The following DDX20 variants were observed in gnomAD, a reference collection of about 807,000 sequenced individuals.
DDX20 encodes DEAD-box helicase 20.
In DDX20, 61 loss-of-function variants were observed where a neutral mutation model predicts 76.4. The observed-to-expected ratio is 0.80, with a 90% CI of 0.65 to 0.99. DDX20 has a LOEUF of 0.99. Ranked by LOEUF, DDX20 falls within the 50% of genes least tolerant of loss-of-function variation. DDX20 has a pLI of 0.00. For missense variants in DDX20, 976 were observed against 996.8 expected (o/e 0.98, Z 0.28); for synonymous variants, 357 against 357.4 (o/e 1.00, Z 0.01).
In DDX20 at chr1:111,760,971, T is replaced by C; in HGVS notation, c.824-16T>C. On this transcript the variant is annotated splice_polypyrimidine_tract_variant and intron_variant, in intron 5 of 10. Transcript: ENST00000369702. Reference sequence around the variant, plus strand: ...TAGCATATATATTTGTTTTAACTGATAGCTCTTCTTTGTAGGTTTGAAGCA... The same window carrying C: ...TAGCATATATATTTGTTTTAACTGACAGCTCTTCTTTGTAGGTTTGAAGCA... The C allele has an allele frequency of 1.9e-6, 3 of 1,609,712 alleles. No individual in the cohort carries two copies. The highest frequency in any genetic ancestry group is 2.5e-6 in the Non-Finnish European group (3 of 1,178,614).
chr1:111,766,523 C>G lies in DDX20; in HGVS notation c.2099C>G (p.Pro700Arg), dbSNP rs185866986. The change falls in exon 11 of 11, where the codon CCA becomes CGA. Residue 700 changes from proline to arginine, a missense_variant. Physicochemically the swap from Pro to Arg is moderately radical, Grantham distance 103. This residue lies in a region of DDX20 where 630 missense variants were observed against 693.7 expected (regional missense o/e 0.91). Coordinates refer to ENST00000369702, the MANE Select transcript of DDX20 (RefSeq NM_007204.5). Reference protein sequence around the residue: ...VDDRISLEQPPNGSDTPNPEK... With the variant: ...VDDRISLEQPRNGSDTPNPEK... ...GATCGTATTTCTTTGGAACAACCAC[C>G]AAATGGAAGTGACACCCCCAATCCA... 1.4e-5 allele frequency: 23 copies of G among 1,614,066 alleles called. No individual in the cohort carries two copies. The East Asian group carries it at 2.7e-4, about 19-fold the overall frequency.
rs1407521172 is a variant in DDX20, at chr1:111,767,070, C to G, written c.*171C>G. ...TTTTTCAGATTGTTTTGATTTAGGC[C>G]AGGTATATTATCTTCATTTTTAAGA... On this transcript the variant is annotated 3_prime_UTR_variant, in exon 11 of 11. Coordinates refer to ENST00000369702, the MANE Select transcript of DDX20 (RefSeq NM_007204.5). 2.0e-6 allele frequency: 1 copy of G among 500,084 alleles called. No individual in the cohort carries two copies. Among genetic ancestry groups the G allele is most frequent in the Non-Finnish European group, 3.5e-6 (1 of 285,576 alleles). 31.0% of individuals were successfully genotyped at this position (500,084 alleles called of 1,614,324 possible). A position where few individuals can be genotyped will look rare whatever the true frequency, so the allele number is the denominator to read the frequency against.
intron 4 of DDX20, 46 bp downstream of exon 4, chr1:111,760,634 A>G (rs1663653883): frequency 6.2e-7 from 1 of 1,600,646 alleles, no homozygotes; most frequent in Non-Finnish European, 8.5e-7. Context: ...GTTCCGAAGT[A>G]TCTATCTTTA....
At position 111,766,201 on chromosome 1, in the gene DDX20, G is replaced by C; in HGVS notation, c.1777G>C (p.Glu593Gln). Residue 593 changes from glutamate to glutamine, a missense_variant, in exon 11 of 11, where the codon GAA becomes CAA. Transcript: ENST00000369702. ...TCAGCCATACACGTTGACTTTTGCT[G>C]AATTGGTAGAGGATTATGAACATTA... Reference protein sequence around the residue: ...IHQPYTLTFAELVEDYEHYIK... With the variant: ...IHQPYTLTFAQLVEDYEHYIK... 1 of 1,614,180 alleles carries C rather than the reference G, an allele frequency of 6.2e-7. No individual in the cohort carries two copies. The highest frequency in any genetic ancestry group is 1.1e-5 in the South Asian group (1 of 91,074).
chr1:111,759,683 A>G, intron 3 of DDX20, 115 bp downstream of exon 3: 26 of 1,211,072 alleles, frequency 2.1e-5, no homozygotes, highest in Non-Finnish European at 2.9e-5. Flanking sequence ...TTGATTAGAA[A>G]TGAAGAGCAG....
rs1234206393 is a variant in DDX20 at position 111,762,704 on chromosome 1, G to T, written c.1132G>T (p.Val378Leu). 8.1e-6 allele frequency: 13 copies of T among 1,613,884 alleles called. No individual in the cohort carries two copies. In the East Asian group the frequency reaches 2.9e-4, roughly 36 times the overall value. Residue 378 changes from valine to leucine, a missense_variant, in exon 9 of 11, where the codon GTG becomes TTG. Transcript: ENST00000369702. ...TTCTCGTGGGATTGATGCTGAGAAG[G>T]TGAATCTGGTTGTAAATCTGGATGT... is the stretch of plus-strand genomic sequence containing the variant. ...LTSRGIDAEK[V>L]NLVVNLDVPL...
At chr1:111,757,032 T>C (rs1011324658) in intron 2 of DDX20, among the ~76,000 whole-genome samples, 2 of 152,076 alleles carry the variant, frequency 1.3e-5, no homozygotes, top group Non-Finnish European at 2.9e-5. Flanking sequence ...AATGTAGTGC[T>C]CTGGCTATTG....
Position 111,766,452 on chromosome 1 carries a change from C to T in DDX20, c.2028C>T (p.Gly676=). 6.2e-7 allele frequency: 1 copy of T among 1,614,138 alleles called. No individual in the cohort carries two copies. Among genetic ancestry groups the T allele is most frequent in the Non-Finnish European group, 8.5e-7 (1 of 1,180,018 alleles). The change falls in exon 11 of 11, where the codon GGC becomes GGT. Residue 676 remains glycine (G), a synonymous_variant. Coordinates refer to ENST00000369702, the MANE Select transcript of DDX20 (RefSeq NM_007204.5). The stretch of plus-strand genomic sequence containing the variant: ...AAGGAAATAAGTCATACTTGGAAGG[C>T]TCTTCTGATAATCAGCTGAAAGACT... ...QSKGNKSYLE[G]SSDNQLKDSE...
rs932371637 is a variant in DDX20, at chr1:111,756,636, T to C, written c.302-10T>C. ...TACTGGCTAGTGATAATTGTTTTTT[T>C]CCTTCGCAGATTTAATTGTTCAAGC... is the stretch of plus-strand genomic sequence containing the variant. On this transcript the variant is annotated splice_polypyrimidine_tract_variant and intron_variant, in intron 1 of 10. Coordinates refer to ENST00000369702, the MANE Select transcript of DDX20 (RefSeq NM_007204.5). 1.2e-6 allele frequency: 2 copies of C among 1,613,736 alleles called. No individual in the cohort carries two copies. The highest frequency in any genetic ancestry group is 2.2e-5 in the South Asian group (2 of 91,062).
In DDX20 at chr1:111,756,218, C is replaced by T; in HGVS notation, c.294C>T (p.Cys98=). Residue 98 remains cysteine, a synonymous_variant, in exon 1 of 11, where the codon TGC becomes TGT. Transcript: ENST00000369702. ...VQLKAIPLGR[C]GLDLIVQAKS... ...TCAAGGCCATCCCGTTGGGGCGCTG[C>T]GGGCTCGGTGAGAGCGGGGGCCCGG... 1.5e-6 allele frequency: 2 copies of T among 1,298,012 alleles called. No homozygotes were observed. Among genetic ancestry groups the T allele is most frequent in the Non-Finnish European group, 2.0e-6 (2 of 1,010,610 alleles). The allele number at this position is 1,298,012 out of a possible 1,614,324, so 80.4% of individuals were successfully genotyped here.
At position 111,756,133 on chromosome 1, in the gene DDX20, C is replaced by T. The variant is rs201171255; in HGVS notation, c.209C>T (p.Ser70Leu). ...EPADFESLLL[S>L]RPVLEGLRAA... The stretch of plus-strand genomic sequence containing the variant: ...GCCGACTTCGAGTCACTGCTGCTTT[C>T]GCGGCCGGTGCTGGAGGGGCTGCGG... The change falls in exon 1 of 11, where the codon TCG becomes TTG. Residue 70 changes from serine to leucine, a missense_variant. Around this residue, in one of 3 missense-constraint regions of DDX20, gnomAD observed 343 missense variants for 286.4 expected, o/e 1.20. Coordinates refer to ENST00000369702, the MANE Select transcript of DDX20 (RefSeq NM_007204.5). 7.3e-4 allele frequency: 1,152 copies of T among 1,585,488 alleles called. 1 individual carries two copies. Among genetic ancestry groups the T allele is most frequent in the Non-Finnish European group, 9.2e-4 (1,077 of 1,173,810 alleles).
In DDX20 at chr1:111,766,038, T is replaced by G. The variant is rs766382486; in HGVS notation, c.1614T>G (p.Cys538Trp). 1 of 1,614,218 alleles carries G rather than the reference T, an allele frequency of 6.2e-7. No individual in the cohort carries two copies. Among genetic ancestry groups the G allele is most frequent in the East Asian group, 2.2e-5 (1 of 44,888 alleles). ...CAACGTCACCAAAAGAACTGGGCTG[T>G]GACAGGCAATCCGAAGAGCAAATGA... ...EKATSPKELG[C>W]DRQSEEQMKN... is the part of the protein sequence containing the mutation. The change falls in exon 11 of 11, where the codon TGT becomes TGG. Residue 538 changes from cysteine to tryptophan, a missense_variant. Physicochemically the swap from Cys to Trp is radical, Grantham distance 215 (BLOSUM62 -2). Around this residue, in one of 3 missense-constraint regions of DDX20, gnomAD observed 630 missense variants for 693.7 expected, o/e 0.91. Transcript: ENST00000369702.
At chr1:111,756,266 G>GGGCAC in intron 1 of DDX20, 41 bp downstream of exon 1, 8 of 842,498 alleles carry the variant, frequency 9.5e-6, no homozygotes, top group Non-Finnish European at 1.3e-5. Flanking sequence ...GGTGGGGTGG[G>GGGCAC]AGAAGGGGGA....
At position 111,765,907 on chromosome 1, in the gene DDX20, T is replaced by G. The variant is rs1338020890; in HGVS notation, c.1483T>G (p.Ser495Ala). Reference sequence around the variant, plus strand: ...GAAAGCTCATGGTGACCACATGGCTTCCTCTAGAAATAATTCTGTATCTGG... The same window carrying G: ...GAAAGCTCATGGTGACCACATGGCTGCCTCTAGAAATAATTCTGTATCTGG... ...IQKAHGDHMASSRNNSVSGLS... is the reference protein window; with the variant it reads ...IQKAHGDHMAASRNNSVSGLS... The change falls in exon 11 of 11, where the codon TCC becomes GCC. Residue 495 changes from serine (S) to alanine (A), a missense_variant. Physicochemically the swap from Ser to Ala is moderately conservative, Grantham distance 99 (BLOSUM62 1). Transcript: ENST00000369702. The G allele has an allele frequency of 6.2e-7, 1 of 1,613,774 alleles. No homozygotes were observed. Among genetic ancestry groups the G allele is most frequent in the African/African-American group, 1.3e-5 (1 of 74,876 alleles).
Position 111,766,646 on chromosome 1 carries a change from G to A in DDX20, c.2222G>A (p.Arg741Gln), listed in dbSNP as rs778196499. 2.0e-5 allele frequency: 32 copies of A among 1,614,040 alleles called. No homozygotes were observed. The Admixed American group carries it at 3.8e-4, about 19-fold the overall frequency. Reference protein sequence around the residue: ...AKQSRRNLPRRSSFRLQTEAQ... With the variant: ...AKQSRRNLPRQSSFRLQTEAQ... ...CAGAGCCGGAGAAACCTACCCAGGC[G>A]GTCTTCCTTCAGATTGCAGACTGAA... The change falls in exon 11 of 11, where the codon CGG (arginine) becomes CAG (glutamine). Residue 741 changes from arginine (R) to glutamine (Q), a missense_variant. Around this residue, in one of 3 missense-constraint regions of DDX20, gnomAD observed 630 missense variants for 693.7 expected, o/e 0.91. Coordinates refer to ENST00000369702, the MANE Select transcript of DDX20 (RefSeq NM_007204.5).
chr1:111,756,638 C>T lies in DDX20; in HGVS notation c.302-8C>T. On this transcript the variant is annotated splice_region_variant and splice_polypyrimidine_tract_variant and intron_variant, in intron 1 of 10. Transcript: ENST00000369702. ...CTGGCTAGTGATAATTGTTTTTTTC[C>T]TTCGCAGATTTAATTGTTCAAGCTA... The T allele has an allele frequency of 6.2e-7, 1 of 1,613,264 alleles. No individual in the cohort carries two copies. The highest frequency in any genetic ancestry group is 8.5e-7 in the Non-Finnish European group (1 of 1,179,466).
chr1:111,767,694 C>G lies in DDX20; in HGVS notation c.*795C>G, dbSNP rs1259351218. The stretch of plus-strand genomic sequence containing the variant: ...GATTGACTTCAGGAAATTTCTCATT[C>G]CATAAGCACAGAATTGTGAGTGTAA... On this transcript the variant is annotated 3_prime_UTR_variant, in exon 11 of 11. Transcript: ENST00000369702. The G allele has an allele frequency of 6.6e-6, 1 of 152,100 alleles. No homozygotes were observed. The highest frequency in any genetic ancestry group is 1.5e-5 in the Non-Finnish European group (1 of 68,004). 9.4% of individuals were successfully genotyped at this position (152,100 alleles called of 1,614,324 possible).
rs1480627400 is a variant in DDX20 at position 111,760,765 on chromosome 1, C to T, written c.740C>T (p.Pro247Leu). The change falls in exon 5 of 11, where the codon CCC becomes CTC. Residue 247 changes from proline to leucine, a missense_variant. Around this residue, in one of 3 missense-constraint regions of DDX20, gnomAD observed 630 missense variants for 693.7 expected, o/e 0.91. Coordinates refer to ENST00000369702, the MANE Select transcript of DDX20 (RefSeq NM_007204.5). The part of the protein sequence containing the change: ...KQMLAVSATY[P>L]EFLANALTKY... ...ATGCTGGCAGTATCAGCTACTTATC[C>T]CGAATTTTTGGCTAATGCTTTGACA... The T allele has an allele frequency of 6.2e-6, 10 of 1,613,602 alleles. No homozygotes were observed. Among genetic ancestry groups the T allele is most frequent in the Non-Finnish European group, 8.5e-6 (10 of 1,179,918 alleles).
Position 111,756,697 on chromosome 1 carries a change from C to T in DDX20, c.353C>T (p.Thr118Ile). The T allele has an allele frequency of 6.2e-7, 1 of 1,614,158 alleles. No homozygotes were observed. Among genetic ancestry groups the T allele is most frequent in the Non-Finnish European group, 8.5e-7 (1 of 1,180,014 alleles). Residue 118 changes from threonine to isoleucine, a missense_variant, in exon 2 of 11, where the codon ACC becomes ATC. Transcript: ENST00000369702. ...SGTGKTCVFS[T>I]IALDSLVLEN... ...ACCGGGAAAACCTGTGTGTTCTCCACCATAGCTTTGGACTCTCTTGTTCTT... is the reference window on the plus strand; with the variant it reads ...ACCGGGAAAACCTGTGTGTTCTCCATCATAGCTTTGGACTCTCTTGTTCTT...
Sources: gnomAD v4.1 joint callset for allele counts (sites outside exome capture counted in the v4.1 genomes callset) on GRCh38, gnomAD v4.1.1 for gene constraint, gnomAD v4.1.1 regional missense constraint, MANE v1.5 for transcripts, NCBI Gene and HGNC (gene_info 2026-07-23, HGNC 2026-07-21) for gene names.